The following TMEM164 variants were observed in gnomAD, a reference collection of about 807,000 sequenced individuals.
TMEM164 encodes RP13-360B22.2.
In TMEM164, 4 loss-of-function variants were observed where a neutral mutation model predicts 18.8. That is an observed-to-expected ratio of 0.21 (90% CI 0.10 to 0.49). The LOEUF (loss-of-function observed/expected upper bound fraction) is 0.49. Among genes scored for constraint, TMEM164 ranks in the 20% least tolerant of loss-of-function variants. The pLI is 0.98. For missense variants in TMEM164, 108 were observed against 239.9 expected (o/e 0.45, Z 3.63); for synonymous variants, 86 against 101.7 (o/e 0.85, Z 0.93).
intron 4 of TMEM164, among the ~76,000 whole-genome samples, chrX:110,133,847 A>C (rs1433162188): frequency 8.9e-6 from 1 of 112,092 alleles, no homozygotes; most frequent in African/African-American, 3.2e-5. Flanking sequence ...AGTACTCAAA[A>C]ATGGTAAATT....
intron 4 of TMEM164, among the ~76,000 whole-genome samples, chrX:110,123,659 G>A (rs1031674370): frequency 1.8e-5 from 2 of 112,115 alleles, no homozygotes; most frequent in Non-Finnish European, 3.8e-5. Flanking sequence ...TTGCTCAATC[G>A]CCTCATCTGT....
intron 4 of TMEM164, among the ~76,000 whole-genome samples, chrX:110,109,645 T>G (rs907049445): frequency 8.0e-5 from 9 of 112,565 alleles, no homozygotes; most frequent in Non-Finnish European, 1.5e-4. Context: ...CACATTGGCC[T>G]TGAATAATTT....
At chrX:110,112,165 T>C (rs2066299379) in intron 4 of TMEM164, among the ~76,000 whole-genome samples, 2 of 111,297 alleles carry the variant, frequency 1.8e-5, no homozygotes, top group African/African-American at 6.5e-5. Context: ...AAACCCCGTG[T>C]GTACTAAAAA....
Position 110,098,795 on chromosome X carries a change from T to C in TMEM164, c.441-10285T>C, listed in dbSNP as rs777079641. Reference sequence around the variant, plus strand: ...TTCACAGTTTTTTCAGCCCTTTTTTTTTCTTCTTTTTTTTTTTTTGAGAGG... The same window carrying C: ...TTCACAGTTTTTTCAGCCCTTTTTTCTTCTTCTTTTTTTTTTTTTGAGAGG... On this transcript the variant is annotated intron_variant, in intron 3 of 6. Transcript: ENST00000372068. Among the ~76,000 whole-genome samples, 4 of 108,858 alleles carry C rather than the reference T, an allele frequency of 3.7e-5. No individual in the cohort carries two copies. The Admixed American group carries it at 3.9e-4, about 11-fold the overall frequency. The allele number at this position is 108,858 out of a possible 115,157, so 94.5% of individuals were successfully genotyped here.
intron 4 of TMEM164, among the ~76,000 whole-genome samples, chrX:110,143,541 T>A (rs1439531467): frequency 1.8e-5 from 2 of 111,669 alleles, no homozygotes; most frequent in East Asian, 5.6e-4. Flanking sequence ...GAAATTATTT[T>A]CCGTGTGGAT....
intron 2 of TMEM164, among the ~76,000 whole-genome samples, chrX:110,005,958 G>A (rs943760229): frequency 1.8e-5 from 2 of 111,438 alleles, no homozygotes; most frequent in African/African-American, 3.3e-5. Context: ...ATGTGATGAC[G>A]TCAAGACTGG....
At chrX:110,032,581 C>G (rs1934567907) in intron 2 of TMEM164, among the ~76,000 whole-genome samples, 1 of 111,872 alleles carries the variant, frequency 8.9e-6, no homozygotes, top group African/African-American at 3.3e-5. Context: ...TGATGTGCAC[C>G]TTAGTTACCT....
At chrX:110,048,678 G>A (rs1283791444) in intron 2 of TMEM164, among the ~76,000 whole-genome samples, 1 of 111,393 alleles carries the variant, frequency 9.0e-6, no homozygotes, top group Non-Finnish European at 1.9e-5. Context: ...AAGTCTGAAT[G>A]CATTGGAATA....
At chrX:110,057,469 G>C (rs1012748208) in intron 2 of TMEM164, among the ~76,000 whole-genome samples, 2 of 110,111 alleles carry the variant, frequency 1.8e-5, no homozygotes, top group Non-Finnish European at 3.8e-5. Flanking sequence ...ATATAGGAGT[G>C]CAGATATCCC....
At chrX:110,082,051 T>A (rs1457306744) in intron 3 of TMEM164, 2 of 112,738 alleles carry the variant, frequency 1.8e-5, no homozygotes, top group East Asian at 5.6e-4. Context: ...GCTTCATTTA[T>A]ATGTACCTCA....
chrX:110,143,195 C>T (rs1265930540), intron 4 of TMEM164, among the ~76,000 whole-genome samples: 1 of 112,426 alleles, frequency 8.9e-6, no homozygotes, highest in African/African-American at 3.2e-5. Context: ...ACCTCAGTTT[C>T]CTCATCTGTC....
At chrX:110,092,136 A>G (rs1464688194) in intron 3 of TMEM164, among the ~76,000 whole-genome samples, 2 of 111,833 alleles carry the variant, frequency 1.8e-5, no homozygotes, top group Admixed American at 9.5e-5. Context: ...TTGAAGTCAG[A>G]TAGCATGATG....
chrX:110,088,500 T>C (rs2065883907), intron 3 of TMEM164, among the ~76,000 whole-genome samples: 1 of 112,112 alleles, frequency 8.9e-6, no homozygotes, highest in Non-Finnish European at 1.9e-5. Context: ...CTTATAAATG[T>C]TGCAGATTTA....
chrX:110,183,903 A>G (rs2067332342), downstream of TMEM164, among the ~76,000 whole-genome samples: 1 of 112,239 alleles, frequency 8.9e-6, no homozygotes, highest in Non-Finnish European at 1.9e-5. Flanking sequence ...TTAGGAGGAT[A>G]CAGAGATGAA....
At chrX:110,122,885 G>T (rs1409998811) in intron 4 of TMEM164, among the ~76,000 whole-genome samples, 1 of 112,254 alleles carries the variant, frequency 8.9e-6, no homozygotes, top group African/African-American at 3.2e-5. Flanking sequence ...TTGCTTGATT[G>T]TATCCTTTGA....
chrX:110,017,512 CTCCTTCCTTCCTTCCT>C (rs767793658), intron 2 of TMEM164, among the ~76,000 whole-genome samples: 11 of 20,158 alleles, frequency 5.5e-4, no homozygotes, highest in African/African-American at 2.1e-3. Flanking sequence ...CCCTCCCTCC[CTCCTTCCTTCCTTCCT>C]TCCTTCCTTC....
At chrX:110,088,077 A>G (rs2065878882) in intron 3 of TMEM164, among the ~76,000 whole-genome samples, 1 of 112,022 alleles carries the variant, frequency 8.9e-6, no homozygotes, top group Non-Finnish European at 1.9e-5. Context: ...CAGTATCCCC[A>G]TGGCCCTTTC....
chrX:110,160,189 A>G (rs1397862019), intron 5 of TMEM164, among the ~76,000 whole-genome samples: 1 of 111,682 alleles, frequency 9.0e-6, no homozygotes, highest in Admixed American at 9.5e-5. Context: ...CACAAATAGG[A>G]TCTTAAGGGG....
chrX:110,173,301 C>T lies in TMEM164; in HGVS notation c.744C>T (p.Tyr248=), dbSNP rs1237825310. The change falls in exon 7 of 7, where the codon TAC becomes TAT. Residue 248 remains tyrosine, a synonymous_variant. Coordinates refer to ENST00000372068, the MANE Select transcript of TMEM164 (RefSeq NM_032227.4). The part of the protein sequence containing the change: ...MLCPAISDPF[Y]GPWYRIWASG... ...GTCCGGCCATCTCAGACCCATTCTA[C>T]GGCCCCTGGTATCGCATCTGGGCCT... The T allele has an allele frequency of 3.3e-6, 4 of 1,211,569 alleles. No homozygotes were observed. Among genetic ancestry groups the T allele is most frequent in the Non-Finnish European group, 4.5e-6 (4 of 895,454 alleles).
Sources: allele counts gnomAD v4.1 joint callset (sites outside exome capture counted in the v4.1 genomes callset), GRCh38; gene constraint gnomAD v4.1.1; transcripts MANE v1.5; gene names NCBI Gene and HGNC (gene_info 2026-07-23, HGNC 2026-07-21).